Variants in ARK2C observed in about 807,000 individuals in gnomAD.
ARK2C encodes the protein E3 ubiquitin-protein ligase ARK2C.
At chr18:46,461,968 C>T in the ARK2C span, 1 of 152,230 alleles carries the variant, frequency 6.6e-6, no homozygotes, top group South Asian at 2.1e-4. Context: ...ATTGGCACCC[C>T]TATCCTATCA....
the ARK2C span, among the ~76,000 whole-genome samples, chr18:46,383,552 T>G: frequency 1.0e-5 from 1 of 100,158 alleles, no homozygotes; most frequent in Non-Finnish European, 2.4e-5. Context: ...TTTTCTCTGT[T>G]TTTTTTTTTT....
At chr18:46,399,477 G>A in the ARK2C span, among the ~76,000 whole-genome samples, 3 of 152,204 alleles carry the variant, frequency 2.0e-5, no homozygotes, top group Admixed American at 6.5e-5. Context: ...GTGAGGAGCC[G>A]GTTTTATGGG....
At chr18:46,399,492 G>T in the ARK2C span, among the ~76,000 whole-genome samples, 1 of 152,208 alleles carries the variant, frequency 6.6e-6, no homozygotes, top group Non-Finnish European at 1.5e-5. Context: ...TATGGGATTT[G>T]CTCGTGTTGC....
At chr18:46,389,351 C>T in the ARK2C span, among the ~76,000 whole-genome samples, 1 of 152,204 alleles carries the variant, frequency 6.6e-6, no homozygotes, top group African/African-American at 2.4e-5. Flanking sequence ...TAAAACATCA[C>T]TGTAAGTTCT....
chr18:46,428,392 A>G, the ARK2C span, among the ~76,000 whole-genome samples: 1 of 152,144 alleles, frequency 6.6e-6, no homozygotes, highest in Non-Finnish European at 1.5e-5. Context: ...CTGGTGACAG[A>G]GCGAGACTCC....
At chr18:46,459,818 C>T in the ARK2C span, 1 of 152,872 alleles carries the variant, frequency 6.5e-6, no homozygotes, top group Non-Finnish European at 1.5e-5. Flanking sequence ...GAGGGGAGAC[C>T]ACTGGTAAGT....
At chr18:46,458,924 G>C in the ARK2C span, 4 of 152,218 alleles carry the variant, frequency 2.6e-5, no homozygotes, top group African/African-American at 9.7e-5. Context: ...AATGTCTCCA[G>C]GGCTAAAGGC....
the ARK2C span, among the ~76,000 whole-genome samples, chr18:46,370,064 G>T: frequency 1.3e-5 from 2 of 152,230 alleles, no homozygotes; most frequent in African/African-American, 4.8e-5. Context: ...TGAAGGAGCT[G>T]AGAAAGGCCT....
At chr18:46,338,443 T>C in the ARK2C span, among the ~76,000 whole-genome samples, 1 of 152,196 alleles carries the variant, frequency 6.6e-6, no homozygotes, top group Admixed American at 6.5e-5. Context: ...ATAGCCTAGT[T>C]TCCTGACAGC....
At chr18:46,432,076 G>A in the ARK2C span, among the ~76,000 whole-genome samples, 4 of 152,268 alleles carry the variant, frequency 2.6e-5, no homozygotes, top group Admixed American at 6.5e-5. Context: ...GTATTGGGAG[G>A]AGCAGACATG....
At chr18:46,337,718 C>A in the ARK2C span, 2 of 637,398 alleles carry the variant, frequency 3.1e-6, no homozygotes, top group African/African-American at 2.0e-5. Flanking sequence ...GATTTTCCCC[C>A]CTTGCTTTTC....
the ARK2C span, among the ~76,000 whole-genome samples, chr18:46,381,282 A>T: frequency 6.6e-6 from 1 of 152,236 alleles, no homozygotes; most frequent in Non-Finnish European, 1.5e-5. Context: ...CTGAGGAGTC[A>T]GGTTCTGCCA....
At chr18:46,370,978 A>G in the ARK2C span, among the ~76,000 whole-genome samples, 1 of 152,190 alleles carries the variant, frequency 6.6e-6, no homozygotes, top group Non-Finnish European at 1.5e-5. Context: ...ACACTGGGTA[A>G]TTTATAAAGA....
At chr18:46,392,100 G>T in the ARK2C span, among the ~76,000 whole-genome samples, 1 of 151,064 alleles carries the variant, frequency 6.6e-6, no homozygotes, top group Non-Finnish European at 1.5e-5. Context: ...CACACACCAC[G>T]CATACACACA....
At chr18:46,444,099 T>C in the ARK2C span, among the ~76,000 whole-genome samples, 3 of 152,146 alleles carry the variant, frequency 2.0e-5, no homozygotes, top group Non-Finnish European at 4.4e-5. Context: ...GCTTGCTTTG[T>C]TGTTGATGGG....
the ARK2C span, among the ~76,000 whole-genome samples, chr18:46,437,386 T>C: frequency 1.3e-5 from 2 of 152,122 alleles, no homozygotes; most frequent in Non-Finnish European, 2.9e-5. Flanking sequence ...AGCCTGGTAA[T>C]TGGATGGCAG....
At chr18:46,342,496 G>A in the ARK2C span, among the ~76,000 whole-genome samples, 1 of 152,230 alleles carries the variant, frequency 6.6e-6, no homozygotes, top group African/African-American at 2.4e-5. Flanking sequence ...GACAGGGAGG[G>A]TGCATGGTGG....
chr18:46,348,381 C>T, the ARK2C span, among the ~76,000 whole-genome samples: 4,623 of 152,212 alleles, frequency 0.03, 218 homozygotes, highest in African/African-American at 0.11. Context: ...TATTGGCCAG[C>T]GTTGCTGGTG....
At chr18:46,334,394 C>T in the ARK2C span, 1 of 1,479,094 alleles carries the variant, frequency 6.8e-7, no homozygotes, top group Non-Finnish European at 9.1e-7. This position sits in a 1 kb window ranked among gnomAD's most constrained non-coding sequence, Gnocchi z 4.4. Flanking sequence ...GGCACCGGGG[C>T]GGGGGCGGGC....
Sources: gnomAD v4.1 joint callset for allele counts (sites outside exome capture counted in the v4.1 genomes callset) on GRCh38, gnomAD v4.1.1 for gene constraint, Gnocchi (gnomAD v3.1) non-coding constraint, MANE v1.5 for transcripts, NCBI Gene and HGNC (gene_info 2026-07-23, HGNC 2026-07-21) for gene names.